Variants in PDPN observed in about 807,000 individuals in gnomAD.
PDPN encodes PA2.26 antigen.
Under a neutral mutation model 23.2 loss-of-function variants are expected in PDPN, and 12 were observed. The ratio of observed to expected loss-of-function variants is 0.52; its 90% CI spans 0.33 to 0.84. The LOEUF (loss-of-function observed/expected upper bound fraction) is 0.84, where lower values mean the gene tolerates loss of function less well. Ranked by LOEUF, PDPN falls within the 40% of genes least tolerant of loss-of-function variation. The pLI is 0.02. For missense variants in PDPN, 199 were observed against 212.2 expected (o/e 0.94, Z 0.39); for synonymous variants, 77 against 76.7 (o/e 1.00, Z -0.02).
At chr1:13,607,148 C>T in intron 1 of PDPN, 25 bp from the exon 2 acceptor site, 1 of 1,610,376 alleles carries the variant, frequency 6.2e-7, no homozygotes, top group Non-Finnish European at 8.5e-7. Flanking sequence ...CCACCTTAAG[C>T]TCTGACTCAA....
chr1:13,608,358 G>A (rs1241130457), intron 2 of PDPN, among the ~76,000 whole-genome samples: 2 of 152,196 alleles, frequency 1.3e-5, no homozygotes, highest in Non-Finnish European at 2.9e-5. Flanking sequence ...ACCTTTGAGG[G>A]AATCTATGAT....
chr1:13,599,513 G>T (rs923473202), intron 1 of PDPN, among the ~76,000 whole-genome samples: 3 of 149,794 alleles, frequency 2.0e-5, no homozygotes, highest in African/African-American at 7.4e-5. Flanking sequence ...AGCCTCCTGA[G>T]TAGCTGGGAT....
rs1641068124 is a variant in PDPN, at chr1:13,616,095, C to T, written c.*184C>T. The T allele has an allele frequency of 3.2e-6, 2 of 619,904 alleles. No homozygotes were observed. Among genetic ancestry groups the T allele is most frequent in the Admixed American group, 3.0e-5 (1 of 33,120 alleles). The allele number at this position is 619,904 out of a possible 1,614,324, so 38.4% of individuals were successfully genotyped here. Reference sequence around the variant, plus strand: ...AGGAAAGACCGTTCACCAGACTTGGCTCCTCTAAACATTTGCTGTTCAAAC... The same window carrying T: ...AGGAAAGACCGTTCACCAGACTTGGTTCCTCTAAACATTTGCTGTTCAAAC... On this transcript the variant is annotated 3_prime_UTR_variant, in exon 6 of 6. Coordinates refer to ENST00000621990, the MANE Select transcript of PDPN (RefSeq NM_006474.5).
Position 13,612,425 on chromosome 1 carries a change from T to C in PDPN, c.332-1262T>C, listed in dbSNP as rs568217126. Among the ~76,000 whole-genome samples, 6 of 152,218 alleles carry C rather than the reference T, an allele frequency of 3.9e-5. No homozygotes were observed. In the South Asian group the frequency reaches 1.2e-3, roughly 32 times the overall value. ...ATTTTCTAACCAATGGTGTCTTTGATAATGGTATATTAAGAGCCTGGAATC... is the reference window on the plus strand; with the variant it reads ...ATTTTCTAACCAATGGTGTCTTTGACAATGGTATATTAAGAGCCTGGAATC... On this transcript the variant is annotated intron_variant, in intron 3 of 5. Transcript: ENST00000621990.
chr1:13,592,103 G>C (rs749791948), intron 1 of PDPN, among the ~76,000 whole-genome samples: 4 of 152,172 alleles, frequency 2.6e-5, no homozygotes, highest in African/African-American at 9.7e-5. Flanking sequence ...TTCGCCAATT[G>C]TGTATCTTTG....
chr1:13,592,626 C>T (rs955454537), intron 1 of PDPN, among the ~76,000 whole-genome samples: 24 of 150,762 alleles, frequency 1.6e-4, no homozygotes, highest in South Asian at 1.3e-3. Flanking sequence ...CTTGGCTCAC[C>T]GCAACCTCCG....
In PDPN at chr1:13,590,600, C is replaced by A. The variant is rs112575969; in HGVS notation, c.67+6500C>A. 1.3e-4 allele frequency among the ~76,000 whole-genome samples: 20 copies of A among 152,196 alleles called. 2 individuals carry two copies. Among genetic ancestry groups the A allele is most frequent in the African/African-American group, 4.8e-4 (20 of 41,536 alleles). ...TTGAACAAATGCATGGAAATTAGAT[C>A]AGTCCGGGCTTTTTGTGGGAATAGG... On this transcript the variant is annotated intron_variant, in intron 1 of 5. Coordinates refer to ENST00000621990, the MANE Select transcript of PDPN (RefSeq NM_006474.5).
chr1:13,614,586 C>CA, intron 5 of PDPN, 175 bp downstream of exon 5: 3 of 555,510 alleles, frequency 5.4e-6, no homozygotes, highest in Non-Finnish European at 9.7e-6. Context: ...GACCCTGTCT[C>CA]AAAAAAATAA....
intron 1 of PDPN, among the ~76,000 whole-genome samples, chr1:13,589,737 A>G (rs1640285021): frequency 6.6e-6 from 1 of 152,210 alleles, no homozygotes; most frequent in East Asian, 1.9e-4. Context: ...AATAGCTTGA[A>G]TCCGTGCCAC....
At position 13,602,245 on chromosome 1, in the gene PDPN, G is replaced by A. The variant is rs1006433822; in HGVS notation, c.68-4928G>A. On this transcript the variant is annotated intron_variant, in intron 1 of 5. Transcript: ENST00000621990. ...TGGGAGGCTGAGGCAGGAGAATGGC[G>A]TGAGCCCAGGAGGCAGAGCTTGCCG... is the stretch of plus-strand genomic sequence containing the variant. Among the ~76,000 whole-genome samples, 16 of 152,168 alleles carry A rather than the reference G, an allele frequency of 1.1e-4. No individual in the cohort carries two copies. The East Asian group carries it at 1.2e-3, about 11-fold the overall frequency.
Position 13,604,191 on chromosome 1 carries a change from C to T in PDPN, c.68-2982C>T, listed in dbSNP as rs549841768. ...GTGTGCGTGCATATGTATGCCTGTG[C>T]ATACATATGTCTTGGGGAAAAGAGG... On this transcript the variant is annotated intron_variant, in intron 1 of 5. Transcript: ENST00000621990. 2.6e-5 allele frequency among the ~76,000 whole-genome samples: 4 copies of T among 152,214 alleles called. No individual in the cohort carries two copies. In the East Asian group the frequency reaches 7.7e-4, roughly 29 times the overall value.
intron 1 of PDPN, among the ~76,000 whole-genome samples, chr1:13,606,199 A>G (rs1640786205): frequency 6.6e-6 from 1 of 152,010 alleles, no homozygotes; most frequent in Non-Finnish European, 1.5e-5. Flanking sequence ...CGTGTTGGCC[A>G]GGCTGGTCTC....
chr1:13,611,708 A>G (rs72867969), intron 3 of PDPN, among the ~76,000 whole-genome samples: 671 of 152,280 alleles, frequency 4.4e-3, no homozygotes, highest in African/African-American at 0.015. Context: ...TGTACATTTA[A>G]AAATGGTTAA....
At chr1:13,614,080 T>A (rs1641004081) in intron 4 of PDPN, among the ~76,000 whole-genome samples, 1 of 152,158 alleles carries the variant, frequency 6.6e-6, no homozygotes, top group Non-Finnish European at 1.5e-5. Flanking sequence ...ATGTGAATGT[T>A]ACGTTGATAG....
intron 1 of PDPN, among the ~76,000 whole-genome samples, chr1:13,586,287 T>TGA (rs1338661947): frequency 6.6e-6 from 1 of 152,200 alleles, no homozygotes; most frequent in East Asian, 1.9e-4. Context: ...CCTCATGAGT[T>TGA]GTTAAGAGTT....
intron 1 of PDPN, among the ~76,000 whole-genome samples, chr1:13,593,945 A>G (rs1640422262): frequency 6.6e-6 from 1 of 152,354 alleles, no homozygotes; most frequent in Non-Finnish European, 1.5e-5. Context: ...CTGTGAACTC[A>G]TTTCCTCTTG....
In PDPN at chr1:13,613,292, G is replaced by A. The variant is rs188778505; in HGVS notation, c.332-395G>A. ...TCAAAGTGAGTAATACCTCTTCACA[G>A]TCTGTCCCTTCTCTGTGATCTTGAC... is the stretch of plus-strand genomic sequence containing the variant. On this transcript the variant is annotated intron_variant, in intron 3 of 5. Transcript: ENST00000621990. 3.3e-5 allele frequency among the ~76,000 whole-genome samples: 5 copies of A among 152,264 alleles called. No individual in the cohort carries two copies. In the East Asian group the frequency reaches 9.6e-4, roughly 29 times the overall value.
intron 1 of PDPN, among the ~76,000 whole-genome samples, chr1:13,597,512 G>C (rs1640527653): frequency 6.6e-6 from 1 of 152,224 alleles, no homozygotes; most frequent in Non-Finnish European, 1.5e-5. Context: ...CTGCAGGTCT[G>C]CAGAAATAGG....
At chr1:13,594,900 C>T (rs1048120446) in intron 1 of PDPN, among the ~76,000 whole-genome samples, 5 of 149,842 alleles carry the variant, frequency 3.3e-5, no homozygotes, top group Admixed American at 6.7e-5. Context: ...GAGGCTGAGG[C>T]GGGAGAATGG....
Sources: allele counts gnomAD v4.1 joint callset (sites outside exome capture counted in the v4.1 genomes callset), GRCh38; gene constraint gnomAD v4.1.1; transcripts MANE v1.5; gene names NCBI Gene and HGNC (gene_info 2026-07-23, HGNC 2026-07-21).